The following GRIK2 variants were observed in gnomAD, a reference collection of about 807,000 sequenced individuals.
The protein encoded by GRIK2 is glutamate receptor ionotropic, kainate 2.
In GRIK2, 32 loss-of-function variants were observed where a neutral mutation model predicts 100.3. The observed-to-expected ratio is 0.32, with a 90% CI of 0.24 to 0.43. GRIK2 has a LOEUF of 0.43. Ranked by LOEUF, GRIK2 falls within the 20% of genes least tolerant of loss-of-function variation. GRIK2 has a pLI of 1.00. For missense variants in GRIK2, 843 were observed against 1,114.9 expected (o/e 0.76, Z 3.47); for synonymous variants, 417 against 389.4 (o/e 1.07, Z -0.83).
intron 11 of GRIK2, among the ~76,000 whole-genome samples, chr6:101,885,945 TTCTC>T (rs544398007): frequency 6.6e-6 from 1 of 152,028 alleles, no homozygotes; most frequent in Non-Finnish European, 1.5e-5. Flanking sequence ...TACATTAGAG[TTCTC>T]TCTTTGTGTT....
At chr6:102,009,584 GTAAGAAAA>G (rs1795414864) in intron 14 of GRIK2, among the ~76,000 whole-genome samples, 1 of 152,106 alleles carries the variant, frequency 6.6e-6, no homozygotes, top group African/African-American at 2.4e-5. Context: ...GCTTTTAGAT[GTAAGAAAA>G]TGTCTTCTGG....
chr6:101,754,588 C>G (rs1189394778), intron 7 of GRIK2, among the ~76,000 whole-genome samples: 6 of 152,174 alleles, frequency 3.9e-5, no homozygotes, highest in Non-Finnish European at 7.4e-5. Flanking sequence ...ACAGAACATT[C>G]AGTCTCACGA....
At chr6:101,604,844 T>C (rs1779373244) in intron 2 of GRIK2, among the ~76,000 whole-genome samples, 1 of 151,944 alleles carries the variant, frequency 6.6e-6, no homozygotes, top group Admixed American at 6.6e-5. Flanking sequence ...CTAGCTTCCC[T>C]TTTTAGGCAC....
At chr6:101,425,505 A>T (rs559266104) in intron 2 of GRIK2, among the ~76,000 whole-genome samples, 19 of 152,180 alleles carry the variant, frequency 1.2e-4, no homozygotes, top group Non-Finnish European at 2.2e-4. Context: ...ATAGTATTTC[A>T]GCGTATTCCA....
intron 2 of GRIK2, among the ~76,000 whole-genome samples, chr6:101,405,509 AT>A (rs1435580257): frequency 6.6e-6 from 1 of 152,196 alleles, no homozygotes; most frequent in Non-Finnish European, 1.5e-5. Flanking sequence ...ATTTTTTCAT[AT>A]AAAGAAAGCT....
chr6:101,398,930 G>C (rs1775126613), intron 1 of GRIK2, 55 bp from the exon 2 acceptor site: 1 of 426,884 alleles, frequency 2.3e-6, no homozygotes. Context: ...TCGACATCTC[G>C]TCCGTTACCA....
intron 7 of GRIK2, among the ~76,000 whole-genome samples, chr6:101,793,404 T>G (rs1192559822): frequency 6.6e-6 from 1 of 152,194 alleles, no homozygotes; most frequent in Non-Finnish European, 1.5e-5. Context: ...GTCCTTTCTG[T>G]TTGTTAGTTT....
chr6:101,673,762 C>T (rs1020650723), intron 4 of GRIK2, among the ~76,000 whole-genome samples: 2 of 152,066 alleles, frequency 1.3e-5, no homozygotes, highest in Non-Finnish European at 2.9e-5. Flanking sequence ...ATATTATTTG[C>T]CAGTCTTCAT....
chr6:102,014,215 T>A (rs754059573), intron 14 of GRIK2, among the ~76,000 whole-genome samples: 1 of 152,208 alleles, frequency 6.6e-6, no homozygotes, highest in Non-Finnish European at 1.5e-5. Flanking sequence ...TTCTAGATTT[T>A]CACATGTGTG....
chr6:101,976,925 T>C (rs4840202), intron 14 of GRIK2, among the ~76,000 whole-genome samples: 9,007 of 151,714 alleles, frequency 0.059, 384 homozygotes, highest in Admixed American at 0.12. Flanking sequence ...AGTGGAATAG[T>C]GGAATGGAGG....
In GRIK2 at chr6:102,000,135, G is replaced by A. The variant is rs145879914; in HGVS notation, c.2086-35206G>A. On this transcript the variant is annotated intron_variant, in intron 14 of 16. Transcript: ENST00000369134. ...TCTGTTGTTTGCTAGTTCTGTTTTCGGTTATGTTTGTTTTATATCATGTTA... is the reference window on the plus strand; with the variant it reads ...TCTGTTGTTTGCTAGTTCTGTTTTCAGTTATGTTTGTTTTATATCATGTTA... Among the ~76,000 whole-genome samples the A allele has an allele frequency of 1.1e-4, 16 of 151,532 alleles. No individual in the cohort carries two copies. The East Asian group carries it at 2.3e-3, about 22-fold the overall frequency.
chr6:101,726,809 A>C (rs1305969430), intron 7 of GRIK2, among the ~76,000 whole-genome samples: 1 of 152,030 alleles, frequency 6.6e-6, no homozygotes, highest in African/African-American at 2.4e-5. Flanking sequence ...GAATAAGTTT[A>C]TGTTTCTAAA....
chr6:101,445,832 C>A (rs539292631), intron 2 of GRIK2, among the ~76,000 whole-genome samples: 1 of 151,994 alleles, frequency 6.6e-6, no homozygotes, highest in Non-Finnish European at 1.5e-5. Context: ...TATTTTTATG[C>A]GACTTTTTAC....
intron 2 of GRIK2, among the ~76,000 whole-genome samples, chr6:101,433,896 C>T (rs1419553777): frequency 2.0e-5 from 3 of 152,148 alleles, no homozygotes; most frequent in African/African-American, 7.2e-5. Context: ...GCTTAAGGAA[C>T]ATTTTATGAG....
intron 14 of GRIK2, among the ~76,000 whole-genome samples, chr6:102,018,071 A>G (rs1056652669): frequency 6.6e-6 from 1 of 152,128 alleles, no homozygotes; most frequent in African/African-American, 2.4e-5. Context: ...TTTGCATTCT[A>G]GTATGCCTTG....
At chr6:101,775,207 C>T (rs777852175) in intron 7 of GRIK2, among the ~76,000 whole-genome samples, 6 of 152,082 alleles carry the variant, frequency 3.9e-5, no homozygotes, top group Non-Finnish European at 7.4e-5. Context: ...AGCTAATTGG[C>T]AATCACTATT....
At chr6:101,870,695 ATAT>A (rs1248201447) in intron 11 of GRIK2, among the ~76,000 whole-genome samples, 2 of 151,756 alleles carry the variant, frequency 1.3e-5, no homozygotes, top group Non-Finnish European at 2.9e-5. Flanking sequence ...CATAGCTATA[ATAT>A]TATCACACTT....
At position 101,553,860 on chromosome 6, in the gene GRIK2, C is replaced by G. The variant is rs529944398; in HGVS notation, c.116-68089C>G. ...AGGAAAAAGCAGAATGTACCTTTAT[C>G]CTTATCAGGAGACGCCTTGAATCAC... On this transcript the variant is annotated intron_variant, in intron 2 of 16. Coordinates refer to ENST00000369134, the MANE Select transcript of GRIK2 (RefSeq NM_021956.5). 1.2e-4 allele frequency among the ~76,000 whole-genome samples: 18 copies of G among 152,288 alleles called. No homozygotes were observed. In the South Asian group the frequency reaches 3.5e-3, roughly 30 times the overall value.
chr6:101,770,240 A>G (rs1287201089), intron 7 of GRIK2, among the ~76,000 whole-genome samples: 1 of 152,020 alleles, frequency 6.6e-6, no homozygotes, highest in Non-Finnish European at 1.5e-5. Flanking sequence ...CATTTCTAAC[A>G]TCCTCCTGTT....
Sources: gnomAD v4.1 joint callset for allele counts (sites outside exome capture counted in the v4.1 genomes callset) on GRCh38, gnomAD v4.1.1 for gene constraint, MANE v1.5 for transcripts, NCBI Gene and HGNC (gene_info 2026-07-23, HGNC 2026-07-21) for gene names.